DGKB: variants seen among roughly 807,000 people sequenced by gnomAD.
The protein encoded by DGKB is 90 kDa diacylglycerol kinase.
A neutral mutation model predicts 114.3 loss-of-function variants in DGKB; 67 were observed. The ratio of observed to expected loss-of-function variants is 0.59; its 90% CI spans 0.48 to 0.72. The LOEUF is 0.72. Among genes scored for constraint, DGKB ranks in the 30% least tolerant of loss-of-function variants. The pLI is 0.00. For synonymous variants in DGKB, 398 were observed against 323.1 expected, an observed-to-expected ratio of 1.23 and a Z score of -2.49; for missense variants, 907 against 975.2, an observed-to-expected ratio of 0.93 and a Z score of 0.93.
chr7:14,182,678 T>C (rs1782815006), intron 23 of DGKB, among the ~76,000 whole-genome samples: 1 of 152,142 alleles, frequency 6.6e-6, no homozygotes, highest in African/African-American at 2.4e-5. Context: ...GAATGTAAAT[T>C]TGAAAGTCAG....
At chr7:14,387,305 CAGG>C (rs1208869783) in intron 21 of DGKB, among the ~76,000 whole-genome samples, 1 of 150,162 alleles carries the variant, frequency 6.7e-6, no homozygotes, top group Non-Finnish European at 1.5e-5. Flanking sequence ...CCCACCTACT[CAGG>C]AGGCTGAGGC....
chr7:14,268,381 A>G (rs983466255), intron 23 of DGKB, among the ~76,000 whole-genome samples: 1 of 152,182 alleles, frequency 6.6e-6, no homozygotes, highest in African/African-American at 2.4e-5. Flanking sequence ...AATAAATAAA[A>G]CATGGAATGA....
chr7:14,243,755 G>A (rs1216840825), intron 23 of DGKB, among the ~76,000 whole-genome samples: 1 of 152,098 alleles, frequency 6.6e-6, no homozygotes, highest in Non-Finnish European at 1.5e-5. Context: ...TTCTTTGACT[G>A]TAATCTCTCT....
At chr7:14,478,254 A>G in intron 20 of DGKB, 29 bp from the exon 21 acceptor site, 1 of 1,400,862 alleles carries the variant, frequency 7.1e-7, no homozygotes. Flanking sequence ...AAACAAAAAC[A>G]GGATGGTTTA....
At chr7:14,719,972 C>T (rs953450092) in intron 5 of DGKB, among the ~76,000 whole-genome samples, 2 of 152,150 alleles carry the variant, frequency 1.3e-5, no homozygotes, top group African/African-American at 4.8e-5. Flanking sequence ...CCCAGAGTTT[C>T]ATAACCAGCA....
intron 25 of DGKB, among the ~76,000 whole-genome samples, chr7:14,173,295 C>T (rs1052976988): frequency 3.3e-5 from 5 of 152,056 alleles, no homozygotes; most frequent in Non-Finnish European, 5.9e-5. Flanking sequence ...ATAAATGTAT[C>T]TTACATTAAT....
chr7:14,609,827 T>C (rs1805191316), intron 16 of DGKB, among the ~76,000 whole-genome samples: 1 of 151,926 alleles, frequency 6.6e-6, no homozygotes. Flanking sequence ...TAAAACACCA[T>C]CTCACGCCAA....
intron 1 of DGKB, among the ~76,000 whole-genome samples, chr7:14,926,405 TC>T (rs1187352129): frequency 6.6e-6 from 1 of 151,954 alleles, no homozygotes; most frequent in Non-Finnish European, 1.5e-5. Context: ...ATTTTTCAAG[TC>T]CTGCTGTTCC....
intron 17 of DGKB, among the ~76,000 whole-genome samples, chr7:14,603,718 G>C (rs1254105055): frequency 6.6e-6 from 1 of 152,054 alleles, no homozygotes; most frequent in African/African-American, 2.4e-5. Context: ...TCTAAGAGCA[G>C]CTTTCTCACA....
intron 1 of DGKB, among the ~76,000 whole-genome samples, chr7:14,849,128 G>T (rs560244398): frequency 1.3e-5 from 2 of 152,154 alleles, no homozygotes; most frequent in South Asian, 4.2e-4. Flanking sequence ...TTAATGAAAA[G>T]ATTATTTAGG....
rs140836395 is a variant in DGKB, at chr7:14,304,087, A to ACACACACACACACACACACACTCTCT, written c.2122+34427_2122+34428insAGAGAGTGTGTGTGTGTGTGTGTGTG. The stretch of plus-strand genomic sequence containing the variant: ...CACACACACACACACACACACACAC[A>ACACACACACACACACACACACTCTCT]CTCTCTCTCTCTCACCCCTACCTCA... On this transcript the variant is annotated intron_variant, in intron 23 of 25. Coordinates refer to ENST00000402815, the MANE Select transcript of DGKB (RefSeq NM_001350709.2). Among the ~76,000 whole-genome samples the ACACACACACACACACACACACTCTCT allele has an allele frequency of 1.7e-3, 190 of 110,094 alleles. 1 individual carries two copies. Among genetic ancestry groups the ACACACACACACACACACACACTCTCT allele is most frequent in the South Asian group, 2.7e-3 (7 of 2,592 alleles). 72.2% of individuals were successfully genotyped at this position (110,094 alleles called of 152,430 possible).
At chr7:14,277,765 A>C (rs1204571614) in intron 23 of DGKB, among the ~76,000 whole-genome samples, 2 of 152,122 alleles carry the variant, frequency 1.3e-5, no homozygotes. Context: ...TTCAGTTTTC[A>C]ATTTCTTTGG....
intron 6 of DGKB, among the ~76,000 whole-genome samples, chr7:14,717,221 A>C (rs1828345785): frequency 6.6e-6 from 1 of 152,150 alleles, no homozygotes; most frequent in Non-Finnish European, 1.5e-5. Flanking sequence ...CTGACCTAGA[A>C]ATAGTTAAAC....
At chr7:14,790,622 T>C (rs1840537315) in intron 2 of DGKB, among the ~76,000 whole-genome samples, 2 of 152,172 alleles carry the variant, frequency 1.3e-5, no homozygotes, top group Admixed American at 1.3e-4. Flanking sequence ...AGGCATATTT[T>C]TATGGGTTTA....
At chr7:14,856,651 T>C (rs958960707) in intron 1 of DGKB, among the ~76,000 whole-genome samples, 4 of 148,768 alleles carry the variant, frequency 2.7e-5, no homozygotes, top group African/African-American at 1.0e-4. Context: ...AGTAAAAGTA[T>C]TCATTGTGTG....
chr7:14,702,979 G>A (rs984827067), intron 6 of DGKB, among the ~76,000 whole-genome samples: 12 of 152,084 alleles, frequency 7.9e-5, no homozygotes, highest in African/African-American at 2.9e-4. Context: ...TTGACTTAAG[G>A]GCAATAATAC....
chr7:14,749,994 C>A (rs2128430229), intron 4 of DGKB: 2 of 433,774 alleles, frequency 4.6e-6, no homozygotes, highest in Admixed American at 2.5e-5. Flanking sequence ...AGTCTTTTAC[C>A]TTACAGGTCC....
intron 2 of DGKB, among the ~76,000 whole-genome samples, chr7:14,784,321 T>A (rs1839548043): frequency 6.6e-6 from 1 of 151,854 alleles, no homozygotes; most frequent in Non-Finnish European, 1.5e-5. Context: ...ATCAGAACAA[T>A]ATAAACACCT....
At chr7:14,682,900 A>G in intron 10 of DGKB, 59 bp from the exon 11 acceptor site, 1 of 1,223,164 alleles carries the variant, frequency 8.2e-7, no homozygotes, top group Non-Finnish European at 1.2e-6. Flanking sequence ...GTAATTTTAT[A>G]GAGAAAGAAT....
Sources: allele counts gnomAD v4.1 joint callset (sites outside exome capture counted in the v4.1 genomes callset), GRCh38; gene constraint gnomAD v4.1.1; transcripts MANE v1.5; gene names NCBI Gene and HGNC (gene_info 2026-07-23, HGNC 2026-07-21).